PROS1: variants seen among roughly 807,000 people sequenced by gnomAD.
PROS1 encodes the protein protein S.
A neutral mutation model predicts 75.9 loss-of-function variants in PROS1; 29 were observed. That is an observed-to-expected ratio of 0.38 (90% CI 0.28 to 0.52). PROS1 has a LOEUF of 0.52. PROS1 is among the 20% of genes least tolerant of loss of function. The probability of loss-of-function intolerance (pLI) is 0.83; values close to 1 mark genes in which losing one functional copy is unlikely to be tolerated. For synonymous variants in PROS1, 245 were observed against 280.6 expected, an observed-to-expected ratio of 0.87 and a Z score of 1.27; for missense variants, 680 against 810.3, an observed-to-expected ratio of 0.84 and a Z score of 1.95.
At chr3:93,961,337 G>A (rs1559952755) in intron 1 of PROS1, among the ~76,000 whole-genome samples, 3 of 152,196 alleles carry the variant, frequency 2.0e-5, no homozygotes, top group African/African-American at 7.2e-5. Flanking sequence ...AACAGTGATA[G>A]GAGACAAAAA....
At chr3:93,954,241 G>C (rs563394552) in intron 1 of PROS1, among the ~76,000 whole-genome samples, 1 of 152,046 alleles carries the variant, frequency 6.6e-6, no homozygotes, top group Non-Finnish European at 1.5e-5. Flanking sequence ...AGTTTATATG[G>C]AACCAAAAAA....
intron 3 of PROS1, among the ~76,000 whole-genome samples, chr3:93,916,198 C>G (rs561461907): frequency 4.6e-5 from 7 of 152,224 alleles, no homozygotes; most frequent in Middle Eastern, 3.4e-3. Context: ...TTTTAGGTCT[C>G]GAGTAGTCTT....
chr3:93,926,743 A>C (rs774784144), intron 2 of PROS1, among the ~76,000 whole-genome samples: 1 of 152,262 alleles, frequency 6.6e-6, no homozygotes, highest in Non-Finnish European at 1.5e-5. Flanking sequence ...ACACACGTTA[A>C]TACTTCAGAC....
chr3:93,876,996 T>C lies in PROS1; in HGVS notation c.1840A>G (p.Lys614Glu), dbSNP rs761946767. 8.1e-6 allele frequency: 13 copies of C among 1,612,626 alleles called. No individual in the cohort carries two copies. The Admixed American group carries it at 2.2e-4, about 27-fold the overall frequency. ...AGGCCACCCAGGTATGTGGCCACTT[T>C]TGCTTTCATTGCTTTGTCCAAGACG... ...LAVLDKAMKAKVATYLGGLPD... is the reference protein window; with the variant it reads ...LAVLDKAMKAEVATYLGGLPD... The change falls in exon 14 of 15, where the codon AAA becomes GAA. Residue 614 changes from lysine (K) to glutamate (E), a missense_variant. Transcript: ENST00000394236.
intron 3 of PROS1, among the ~76,000 whole-genome samples, chr3:93,918,259 ACG>A (rs1227666351): frequency 2.6e-5 from 4 of 152,040 alleles, no homozygotes; most frequent in African/African-American, 9.7e-5. Context: ...GGGATTGTAA[ACG>A]CACCAATCAG....
chr3:93,876,505 C>T lies in PROS1; in HGVS notation c.1870+461G>A, dbSNP rs908277034. Among the ~76,000 whole-genome samples, 11 of 138,888 alleles carry T rather than the reference C, an allele frequency of 7.9e-5. No homozygotes were observed. In the East Asian group the frequency reaches 9.1e-4, roughly 12 times the overall value. The allele number at this position is 138,888 out of a possible 152,430, so 91.1% of individuals were successfully genotyped here. A position where few individuals can be genotyped will look rare whatever the true frequency, so the allele number is the denominator to read the frequency against. On this transcript the variant is annotated intron_variant, in intron 14 of 14. Coordinates refer to ENST00000394236, the MANE Select transcript of PROS1 (RefSeq NM_000313.4). The stretch of plus-strand genomic sequence containing the variant: ...TCGGGAGGTTGAGGCAGGAGAATGG[C>T]GTGAACCCAGGAGGCGGAGCTTGCA...
At chr3:93,971,554 C>A (rs371596042) in intron 1 of PROS1, among the ~76,000 whole-genome samples, 1 of 150,578 alleles carries the variant, frequency 6.6e-6, no homozygotes, top group Non-Finnish European at 1.5e-5. Flanking sequence ...CCGCTTGAAC[C>A]CTGGAGTTCA....
At chr3:93,929,195 G>T (rs1709069884) in intron 1 of PROS1, among the ~76,000 whole-genome samples, 2 of 152,188 alleles carry the variant, frequency 1.3e-5, no homozygotes, top group Non-Finnish European at 2.9e-5. Flanking sequence ...GAGGGGCACA[G>T]GATCAGGCAC....
intron 1 of PROS1, among the ~76,000 whole-genome samples, chr3:93,964,195 C>T (rs1709750691): frequency 6.6e-6 from 1 of 152,050 alleles, no homozygotes; most frequent in Admixed American, 6.6e-5. Context: ...TGAAAAAGAA[C>T]AGAATAACAG....
rs539703629 is a variant in PROS1, at chr3:93,951,473, A to C, written c.76+22201T>G. ...CTTAAAGAAAAGAATTTTCAACCCA[A>C]AATTTTATATCCAGCCAAACGAAGC... On this transcript the variant is annotated intron_variant, in intron 1 of 14. Coordinates refer to ENST00000394236, the MANE Select transcript of PROS1 (RefSeq NM_000313.4). Among the ~76,000 whole-genome samples the C allele has an allele frequency of 2.0e-5, 3 of 152,304 alleles. No individual in the cohort carries two copies. In the East Asian group the frequency reaches 5.8e-4, roughly 29 times the overall value.
intron 3 of PROS1, among the ~76,000 whole-genome samples, chr3:93,918,807 A>G (rs1708899527): frequency 6.6e-6 from 1 of 152,120 alleles, no homozygotes; most frequent in South Asian, 2.1e-4. Flanking sequence ...CAGCCTCCCA[A>G]AGTGTTGGAA....
intron 1 of PROS1, among the ~76,000 whole-genome samples, chr3:93,929,206 G>T (rs927592230): frequency 6.6e-6 from 1 of 152,140 alleles, no homozygotes; most frequent in Non-Finnish European, 1.5e-5. Context: ...GATCAGGCAC[G>T]GTGGCTCATG....
intron 1 of PROS1, among the ~76,000 whole-genome samples, chr3:93,938,441 C>T (rs1385426407): frequency 6.6e-6 from 1 of 152,176 alleles, no homozygotes; most frequent in African/African-American, 2.4e-5. Flanking sequence ...ACGCACATGA[C>T]ATTTGGTGCC....
At chr3:93,889,174 C>T (rs569190886) in intron 10 of PROS1, among the ~76,000 whole-genome samples, 1 of 152,310 alleles carries the variant, frequency 6.6e-6, no homozygotes, top group East Asian at 1.9e-4. Flanking sequence ...TATATGCATA[C>T]TAACCACCAT....
intron 3 of PROS1, among the ~76,000 whole-genome samples, chr3:93,919,528 T>C (rs1708914538): frequency 6.6e-6 from 1 of 152,132 alleles, no homozygotes; most frequent in South Asian, 2.1e-4. Flanking sequence ...TTTTTGATAT[T>C]TATTTGACAG....
chr3:93,876,148 T>G (rs1708184030), intron 14 of PROS1, among the ~76,000 whole-genome samples: 1 of 152,222 alleles, frequency 6.6e-6, no homozygotes, highest in African/African-American at 2.4e-5. Context: ...ATCACCCTGG[T>G]CCTGCAGCTT....
intron 1 of PROS1, among the ~76,000 whole-genome samples, chr3:93,940,846 C>A (rs1709273336): frequency 6.6e-6 from 1 of 152,146 alleles, no homozygotes. Flanking sequence ...CCTTACAATT[C>A]CCCCATTTTA....
At chr3:93,884,705 G>T in intron 12 of PROS1, 23 bp downstream of exon 12, 2 of 1,593,810 alleles carry the variant, frequency 1.3e-6, no homozygotes, top group Non-Finnish European at 1.7e-6. Flanking sequence ...TGAGAAAATA[G>T]AGATAAATGG....
At position 93,873,604 on chromosome 3, in the gene PROS1, A is replaced by C. The variant is rs1425454301; in HGVS notation, c.*641T>G. ...CTGATATCTCATCCTGACAGACTGCAGCTGCCAAGAAGAAGATTCCTGTGC... is the reference window on the plus strand; with the variant it reads ...CTGATATCTCATCCTGACAGACTGCCGCTGCCAAGAAGAAGATTCCTGTGC... On this transcript the variant is annotated 3_prime_UTR_variant, in exon 15 of 15. Transcript: ENST00000394236. 2 of 152,512 alleles carry C rather than the reference A, an allele frequency of 1.3e-5. No homozygotes were observed. The highest frequency in any genetic ancestry group is 2.9e-5 in the Non-Finnish European group (2 of 68,288). The allele number at this position is 152,512 out of a possible 1,614,324, so 9.4% of individuals were successfully genotyped here.
Sources: allele counts gnomAD v4.1 joint callset (sites outside exome capture counted in the v4.1 genomes callset), GRCh38; gene constraint gnomAD v4.1.1; transcripts MANE v1.5; gene names NCBI Gene and HGNC (gene_info 2026-07-23, HGNC 2026-07-21).